CHST13: variants seen among roughly 807,000 people sequenced by gnomAD.
CHST13 encodes carbohydrate sulfotransferase 13.
A neutral mutation model predicts 7.0 loss-of-function variants in CHST13; 1 was observed. That is an observed-to-expected ratio of 0.14 (90% confidence interval 0.05 to 0.68). CHST13 has a LOEUF of 0.68. Ranked by LOEUF, CHST13 falls within the 30% of genes least tolerant of loss-of-function variation. CHST13 has a pLI of 0.82. For synonymous variants in CHST13, 257 were observed against 240.9 expected (o/e 1.07, Z -0.62); for missense variants, 572 against 507.9 (o/e 1.13, Z -1.21).
intron 1 of CHST13, among the ~76,000 whole-genome samples, chr3:126,532,634 C>G (rs930451218): frequency 1.3e-5 from 2 of 152,204 alleles, no homozygotes; most frequent in African/African-American, 4.8e-5. Flanking sequence ...CTATATGTCT[C>G]TCCTAGCCAG....
chr3:126,535,730 A>G (rs1031220623), intron 1 of CHST13, among the ~76,000 whole-genome samples: 1 of 152,260 alleles, frequency 6.6e-6, no homozygotes, highest in Non-Finnish European at 1.5e-5. Flanking sequence ...GAAGCAGCAT[A>G]TTCCCTGATG....
At chr3:126,525,125 T>C (rs1449581124) in intron 1 of CHST13, among the ~76,000 whole-genome samples, 3 of 152,172 alleles carry the variant, frequency 2.0e-5, no homozygotes, top group African/African-American at 7.2e-5. Context: ...GGCAACGTGC[T>C]GGCTATACAA....
chr3:126,540,478 C>A (rs1936935399), intron 2 of CHST13, among the ~76,000 whole-genome samples: 1 of 152,162 alleles, frequency 6.6e-6, no homozygotes, highest in African/African-American at 2.4e-5. Flanking sequence ...CTAAGTGGGA[C>A]TGTTTGGCAC....
At position 126,536,882 on chromosome 3, in the gene CHST13, CACACACACACACAA is replaced by C. The variant is rs1936804467; in HGVS notation, c.180+543_180+556del. Among the ~76,000 whole-genome samples the C allele has an allele frequency of 2.4e-5, 3 of 125,082 alleles. No individual in the cohort carries two copies. The South Asian group carries it at 7.4e-4, about 31-fold the overall frequency. 82.1% of individuals were successfully genotyped at this position (125,082 alleles called of 152,430 possible). ...ACTCTGGCTCTCTCTCTCTCTTTCT[CACACACACACACAA>C]ACACACACACACACACACACACACA... On this transcript the variant is annotated intron_variant, in intron 2 of 2. Coordinates refer to ENST00000319340, the MANE Select transcript of CHST13 (RefSeq NM_152889.3).
chr3:126,532,724 T>C (rs1217648014), intron 1 of CHST13, among the ~76,000 whole-genome samples: 1 of 152,236 alleles, frequency 6.6e-6, no homozygotes, highest in Non-Finnish European at 1.5e-5. Context: ...TTTGTTCTTT[T>C]TTGAGATTCT....
At position 126,542,735 on chromosome 3, in the gene CHST13, C is replaced by A; in HGVS notation, c.*157C>A. On this transcript the variant is annotated 3_prime_UTR_variant, in exon 3 of 3. Transcript: ENST00000319340. ...CGGGCGCAGGGCACACCTGGCCAGG[C>A]TTGGGGGCAGCCCATCTCAGGTGGC... 8.5e-7 allele frequency: 1 copy of A among 1,172,294 alleles called. No homozygotes were observed. Among genetic ancestry groups the A allele is most frequent in the Non-Finnish European group, 1.1e-6 (1 of 904,602 alleles). The allele number at this position is 1,172,294 out of a possible 1,614,324, so 72.6% of individuals were successfully genotyped here.
At chr3:126,533,004 T>C (rs1331804219) in intron 1 of CHST13, among the ~76,000 whole-genome samples, 2 of 152,240 alleles carry the variant, frequency 1.3e-5, no homozygotes, top group East Asian at 3.8e-4. Flanking sequence ...TTCTTCTTTA[T>C]TACTTTATTA....
intron 2 of CHST13, among the ~76,000 whole-genome samples, chr3:126,539,947 CTGCCACACA>C (rs1393263084): frequency 2.3e-5 from 3 of 129,370 alleles, no homozygotes; most frequent in African/African-American, 8.8e-5. Flanking sequence ...CATGCCACAC[CTGCCACACA>C]TGCCACACAC....
Position 126,536,283 on chromosome 3 carries a change from G to C in CHST13, c.110G>C (p.Arg37Thr), listed in dbSNP as rs764723746. 4 of 1,613,786 alleles carry C rather than the reference G, an allele frequency of 2.5e-6. No individual in the cohort carries two copies. The highest frequency in any genetic ancestry group is 3.4e-6 in the Non-Finnish European group (4 of 1,179,878). The stretch of plus-strand genomic sequence containing the variant: ...CTTATGCCCACAGCATTTGGAAACA[G>C]AGCCCTGGGCTCCAGCTGGCTTGGT... ...PRSLRPAFGN[R>T]ALGSSWLGGE... is the part of the protein sequence containing the mutation. The change falls in exon 2 of 3, where the codon AGA (arginine) becomes ACA (threonine). Residue 37 changes from arginine to threonine, a missense_variant. Physicochemically the swap from Arg to Thr is moderately conservative, Grantham distance 71 (BLOSUM62 -1). Coordinates refer to ENST00000319340, the MANE Select transcript of CHST13 (RefSeq NM_152889.3).
chr3:126,525,060 T>G (rs1160997810), intron 1 of CHST13, among the ~76,000 whole-genome samples: 3 of 152,100 alleles, frequency 2.0e-5, no homozygotes, highest in African/African-American at 7.2e-5. Context: ...AAGCCTCCCA[T>G]CAACCCATTT....
rs970714379 is a variant in CHST13, at chr3:126,524,382, G to A, written c.50G>A (p.Gly17Asp). The change falls in exon 1 of 3, where the codon GGC becomes GAC. Residue 17 changes from glycine (G) to aspartate (D), a missense_variant. By Grantham distance (94) the Gly-to-Asp change is moderately conservative. Transcript: ENST00000319340. ...RRRVLAAACLGAALLLLCAAP... is the reference protein window; with the variant it reads ...RRRVLAAACLDAALLLLCAAP... ...CGCGTGCTGGCGGCCGCCTGTCTGG[G>A]CGCCGCGCTCCTGCTCCTATGCGCC... 3 of 1,236,474 alleles carry A rather than the reference G, an allele frequency of 2.4e-6. No homozygotes were observed. The highest frequency in any genetic ancestry group is 3.0e-6 in the Non-Finnish European group (3 of 989,496). 76.6% of individuals were successfully genotyped at this position (1,236,474 alleles called of 1,614,324 possible).
chr3:126,541,344 G>C (rs1158133530), intron 2 of CHST13, among the ~76,000 whole-genome samples: 1 of 152,198 alleles, frequency 6.6e-6, no homozygotes, highest in Middle Eastern at 3.2e-3. Flanking sequence ...TTTCAATTGG[G>C]TGTGGAATTA....
At chr3:126,526,348 C>T (rs936745429) in intron 1 of CHST13, among the ~76,000 whole-genome samples, 5 of 152,336 alleles carry the variant, frequency 3.3e-5, no homozygotes, top group Middle Eastern at 3.4e-3. Context: ...AATGGCCTCA[C>T]GAGGGCCTGC....
intron 1 of CHST13, among the ~76,000 whole-genome samples, chr3:126,529,528 C>T (rs144316784): frequency 1.4e-4 from 22 of 152,220 alleles, no homozygotes; most frequent in African/African-American, 5.3e-4. Flanking sequence ...GGGCAAGTTT[C>T]TTTGCCTCAG....
At chr3:126,528,476 G>T (rs1249572137) in intron 1 of CHST13, among the ~76,000 whole-genome samples, 1 of 152,176 alleles carries the variant, frequency 6.6e-6, no homozygotes, top group Non-Finnish European at 1.5e-5. Flanking sequence ...GCCTTGGGGG[G>T]AACCAGGGAT....
At chr3:126,528,928 G>T (rs1279581501) in intron 1 of CHST13, among the ~76,000 whole-genome samples, 1 of 152,242 alleles carries the variant, frequency 6.6e-6, no homozygotes, top group Non-Finnish European at 1.5e-5. Context: ...GAAGGAATGG[G>T]GCAGGACAGA....
At position 126,542,579 on chromosome 3, in the gene CHST13, C is replaced by T. The variant is rs201021354; in HGVS notation, c.*1C>T. 2.7e-6 allele frequency: 4 copies of T among 1,482,076 alleles called. No homozygotes were observed. Among genetic ancestry groups the T allele is most frequent in the Admixed American group, 5.1e-5 (2 of 39,500 alleles). 91.8% of individuals were successfully genotyped at this position (1,482,076 alleles called of 1,614,324 possible). ...CCCCTCCTACCTGCGGCTGCTCTAG[C>T]GGTCCTGGAGGTCCTGTGGCCACGC... On this transcript the variant is annotated 3_prime_UTR_variant, in exon 3 of 3. Transcript: ENST00000319340.
chr3:126,541,789 C>A lies in CHST13; in HGVS notation c.237C>A (p.Ser79Arg), dbSNP rs769441945. Residue 79 changes from serine (S) to arginine (R), a missense_variant, in exon 3 of 3, where the codon AGC becomes AGA. By Grantham distance (110) the Ser-to-Arg change is moderately radical. Transcript: ENST00000319340. ...GGCAGCGGCGCGACCTGCTGAACAGCGCCTGTAGCCGCCACTCACGCCGGC... is the reference window on the plus strand; with the variant it reads ...GGCAGCGGCGCGACCTGCTGAACAGAGCCTGTAGCCGCCACTCACGCCGGC... ...VHRQRRDLLN[S>R]ACSRHSRRQR... 1 of 1,541,354 alleles carries A rather than the reference C, an allele frequency of 6.5e-7. No homozygotes were observed. The highest frequency in any genetic ancestry group is 2.5e-5 in the East Asian group (1 of 40,508).
chr3:126,539,179 C>T (rs1400274084), intron 2 of CHST13, among the ~76,000 whole-genome samples: 1 of 152,194 alleles, frequency 6.6e-6, no homozygotes, highest in East Asian at 1.9e-4. Context: ...CTTCCCACCA[C>T]CTACTCCCAC....
Sources: gnomAD v4.1 joint callset for allele counts (sites outside exome capture counted in the v4.1 genomes callset) on GRCh38, gnomAD v4.1.1 for gene constraint, MANE v1.5 for transcripts, NCBI Gene and HGNC (gene_info 2026-07-23, HGNC 2026-07-21) for gene names.